Variants in GUCY1A2 observed in about 807,000 individuals in gnomAD.
GUCY1A2 encodes the protein guanylate cyclase 1 soluble subunit alpha 2.
Under a neutral mutation model 63.5 loss-of-function variants are expected in GUCY1A2, and 27 were observed. That is an observed-to-expected ratio of 0.43 (90% CI 0.31 to 0.59). GUCY1A2 has a LOEUF of 0.59. Among genes scored for constraint, GUCY1A2 ranks in the 20% least tolerant of loss-of-function variants. GUCY1A2 has a pLI of 0.11. For missense variants in GUCY1A2, 768 were observed against 913.3 expected (o/e 0.84, Z 2.05); for synonymous variants, 364 against 343.5 (o/e 1.06, Z -0.66).
rs1862449567 is a variant in GUCY1A2 at position 106,682,539 on chromosome 11, C to G, written c.*5010G>C. On this transcript the variant is annotated 3_prime_UTR_variant, in exon 8 of 8. Coordinates refer to ENST00000526355, the MANE Select transcript of GUCY1A2 (RefSeq NM_000855.3). ...GCTGAACCACTGAACTAGGTCATTT[C>G]TTAAGGATGGGATGGCAATGAGGTA... The G allele has an allele frequency of 4.7e-6, 1 of 211,020 alleles. No homozygotes were observed. The highest frequency in any genetic ancestry group is 1.9e-4 in the South Asian group (1 of 5,324). The allele number at this position is 211,020 out of a possible 1,614,324, so 13.1% of individuals were successfully genotyped here.
At chr11:106,924,605 A>G (rs918893741) in intron 4 of GUCY1A2, among the ~76,000 whole-genome samples, 1 of 152,186 alleles carries the variant, frequency 6.6e-6, no homozygotes, top group African/African-American at 2.4e-5. Flanking sequence ...TCCTCATCCA[A>G]GAAGTAGGCC....
chr11:106,937,019 A>T (rs1201572824), intron 4 of GUCY1A2, among the ~76,000 whole-genome samples: 1 of 152,052 alleles, frequency 6.6e-6, no homozygotes, highest in Non-Finnish European at 1.5e-5. Flanking sequence ...TAAATGTGAA[A>T]TTTGATGACT....
At chr11:106,729,291 C>G (rs527376907) in intron 6 of GUCY1A2, among the ~76,000 whole-genome samples, 28 of 152,234 alleles carry the variant, frequency 1.8e-4, no homozygotes, top group Non-Finnish European at 3.5e-4. Flanking sequence ...CCAATACATA[C>G]TCTGAGCGTT....
At position 106,819,770 on chromosome 11, in the gene GUCY1A2, G is replaced by A. The variant is rs150870870; in HGVS notation, c.1207-9292C>T. Reference sequence around the variant, plus strand: ...ACCAAACCCACAGTATCTCTGAGGTGTGCCTGGATACACCAGAGAATACCA... The same window carrying A: ...ACCAAACCCACAGTATCTCTGAGGTATGCCTGGATACACCAGAGAATACCA... On this transcript the variant is annotated intron_variant, in intron 4 of 7. Transcript: ENST00000526355. Among the ~76,000 whole-genome samples the A allele has an allele frequency of 1.4e-4, 21 of 152,208 alleles. No individual in the cohort carries two copies. The East Asian group carries it at 3.7e-3, about 27-fold the overall frequency.
chr11:106,821,167 G>A (rs944773056), intron 4 of GUCY1A2, among the ~76,000 whole-genome samples: 13 of 152,104 alleles, frequency 8.5e-5, no homozygotes, highest in African/African-American at 2.9e-4. Flanking sequence ...GTTGAAAGAA[G>A]AACATCAACA....
intron 4 of GUCY1A2, among the ~76,000 whole-genome samples, chr11:106,933,802 T>C (rs1860638687): frequency 6.6e-6 from 1 of 151,884 alleles, no homozygotes; most frequent in African/African-American, 2.4e-5. Context: ...TATGCAGCCA[T>C]AAAAAAAGAT....
chr11:106,727,765 A>G (rs756493613), intron 6 of GUCY1A2, among the ~76,000 whole-genome samples: 6 of 152,006 alleles, frequency 3.9e-5, no homozygotes, highest in African/African-American at 9.7e-5. Context: ...ATGTCTCCAT[A>G]TTTTCTGCTT....
intron 4 of GUCY1A2, among the ~76,000 whole-genome samples, chr11:106,937,452 T>C (rs1860695296): frequency 6.6e-6 from 1 of 152,114 alleles, no homozygotes; most frequent in Non-Finnish European, 1.5e-5. Flanking sequence ...ATCGATAAAA[T>C]ATATAAAGCA....
At chr11:107,009,199 T>C (rs1230360302) in intron 1 of GUCY1A2, among the ~76,000 whole-genome samples, 1 of 152,222 alleles carries the variant, frequency 6.6e-6, no homozygotes, top group Admixed American at 6.5e-5. Context: ...AATGTTAGTG[T>C]CATATTTTGG....
At chr11:106,712,518 AGAT>A (rs889100903) in intron 6 of GUCY1A2, among the ~76,000 whole-genome samples, 3 of 144,254 alleles carry the variant, frequency 2.1e-5, no homozygotes, top group Non-Finnish European at 2.9e-5. Flanking sequence ...CCCATGTCTC[AGAT>A]TTTCTTTATG....
intron 4 of GUCY1A2, among the ~76,000 whole-genome samples, chr11:106,883,463 G>C (rs1179352761): frequency 1.3e-5 from 2 of 152,082 alleles, no homozygotes; most frequent in Non-Finnish European, 2.9e-5. Flanking sequence ...GGATTAAGTT[G>C]TTAGAAAAGC....
chr11:106,883,285 C>G (rs927931228), intron 4 of GUCY1A2, among the ~76,000 whole-genome samples: 2 of 152,056 alleles, frequency 1.3e-5, no homozygotes, highest in African/African-American at 4.8e-5. Context: ...CTCAGTTCAG[C>G]CAATAAATAA....
At position 106,845,346 on chromosome 11, in the gene GUCY1A2, C is replaced by T. The variant is rs116878741; in HGVS notation, c.1207-34868G>A. ...GAAATTTGAAGTCCTTACAGTATTGCTCCCCCTCTTCTTTCAGAATGAGTT... is the reference window on the plus strand; with the variant it reads ...GAAATTTGAAGTCCTTACAGTATTGTTCCCCCTCTTCTTTCAGAATGAGTT... On this transcript the variant is annotated intron_variant, in intron 4 of 7. Transcript: ENST00000526355. Among the ~76,000 whole-genome samples, 51 of 151,132 alleles carry T rather than the reference C, an allele frequency of 3.4e-4. No individual in the cohort carries two copies. The East Asian group carries it at 9.4e-3, about 28-fold the overall frequency.
In GUCY1A2 at chr11:106,940,124, C is replaced by T; in HGVS notation, c.542G>A (p.Cys181Tyr). The T allele has an allele frequency of 1.2e-6, 2 of 1,611,432 alleles. No homozygotes were observed. The highest frequency in any genetic ancestry group is 2.2e-5 in the East Asian group (1 of 44,870). The change falls in exon 4 of 8, where the codon TGC (cysteine) becomes TAC (tyrosine). Residue 181 changes from cysteine to tyrosine, a missense_variant. Coordinates refer to ENST00000526355, the MANE Select transcript of GUCY1A2 (RefSeq NM_000855.3). ...AAGGACTCTCTCATTCTCATGAAAG[C>T]ATATATTAAAGAACTCTTCACCAAA... ...KRFGEEFFNI[C>Y]FHENERVLRA...
rs1424110430 is a variant in GUCY1A2, at chr11:106,719,744, C to T, written c.1837-11078G>A. Among the ~76,000 whole-genome samples the T allele has an allele frequency of 4.6e-5, 7 of 152,264 alleles. No homozygotes were observed. The East Asian group carries it at 7.7e-4, about 17-fold the overall frequency. The stretch of plus-strand genomic sequence containing the variant: ...TTGATTACTGGAGAGTAAGATTTAG[C>T]TGGTTTGGAATGAAGATTGGGTATT... On this transcript the variant is annotated intron_variant, in intron 6 of 7. Transcript: ENST00000526355.
intron 5 of GUCY1A2, among the ~76,000 whole-genome samples, chr11:106,809,770 T>C (rs1340304806): frequency 6.7e-6 from 1 of 150,350 alleles, no homozygotes; most frequent in East Asian, 2.0e-4. Context: ...GAATTTTTCC[T>C]TACTGAGCAA....
At chr11:106,748,283 T>A in intron 6 of GUCY1A2, among the ~76,000 whole-genome samples, 1 of 107,366 alleles carries the variant, frequency 9.3e-6, no homozygotes, top group Non-Finnish European at 1.8e-5. Flanking sequence ...AAGTGACAAC[T>A]GTCAAAACAA....
intron 4 of GUCY1A2, among the ~76,000 whole-genome samples, chr11:106,929,388 C>G (rs1860571024): frequency 6.6e-6 from 1 of 152,090 alleles, no homozygotes; most frequent in Non-Finnish European, 1.5e-5. Context: ...TTTTAAAAGC[C>G]ACTATGTACT....
intron 5 of GUCY1A2, among the ~76,000 whole-genome samples, chr11:106,779,431 C>T (rs533926985): frequency 3.9e-5 from 6 of 152,246 alleles, no homozygotes; most frequent in South Asian, 4.1e-4. Context: ...TTATCCCACC[C>T]GTTCATATTT....
Sources: allele counts gnomAD v4.1 joint callset (sites outside exome capture counted in the v4.1 genomes callset), GRCh38; gene constraint gnomAD v4.1.1; transcripts MANE v1.5; gene names NCBI Gene and HGNC (gene_info 2026-07-23, HGNC 2026-07-21).